CAMTA1: variants seen among roughly 807,000 people sequenced by gnomAD.
CAMTA1 encodes the protein calmodulin-binding transcription activator 1.
A neutral mutation model predicts 170.9 loss-of-function variants in CAMTA1; 27 were observed. That is an observed-to-expected ratio of 0.16 (90% CI 0.12 to 0.22). CAMTA1 has a LOEUF of 0.22. Among genes scored for constraint, CAMTA1 ranks in the 10% least tolerant of loss-of-function variants. The probability of loss-of-function intolerance (pLI) is 1.00; values close to 1 mark genes in which losing one functional copy is unlikely to be tolerated. For missense variants in CAMTA1, 1,619 were observed against 2,217.2 expected (o/e 0.73, Z 5.42); for synonymous variants, 833 against 891.5 (o/e 0.93, Z 1.17).
intron 5 of CAMTA1, among the ~76,000 whole-genome samples, chr1:7,397,277 A>G (rs1442220842): frequency 2.0e-5 from 3 of 152,088 alleles, no homozygotes; most frequent in East Asian, 1.9e-4. Flanking sequence ...TTGTTGCCAT[A>G]TAGTTGTTCA....
chr1:6,914,337 A>G (rs901274161), intron 3 of CAMTA1, among the ~76,000 whole-genome samples: 1 of 152,164 alleles, frequency 6.6e-6, no homozygotes, highest in Non-Finnish European at 1.5e-5. Flanking sequence ...CTCCTACCTC[A>G]GGTGATCTGC....
chr1:7,245,061 A>G (rs1193889541), intron 4 of CAMTA1, among the ~76,000 whole-genome samples: 3 of 151,614 alleles, frequency 2.0e-5, no homozygotes, highest in African/African-American at 7.3e-5. Context: ...AGGTTTTGGG[A>G]ATTTCTTGTT....
intron 4 of CAMTA1, among the ~76,000 whole-genome samples, chr1:7,158,971 TG>T (rs1647049281): frequency 1.1e-5 from 1 of 89,502 alleles, no homozygotes; most frequent in Non-Finnish European, 2.2e-5. Flanking sequence ...TGGGGTGAGG[TG>T]GGGGTGGGGT....
intron 3 of CAMTA1, among the ~76,000 whole-genome samples, chr1:7,085,889 C>T (rs367828891): frequency 3.9e-5 from 6 of 152,178 alleles, no homozygotes; most frequent in East Asian, 3.9e-4. Flanking sequence ...CATGGCAGCA[C>T]GGTGTGTGAC....
intron 3 of CAMTA1, among the ~76,000 whole-genome samples, chr1:6,941,962 A>G (rs2149433065): frequency 6.6e-6 from 1 of 152,368 alleles, no homozygotes; most frequent in East Asian, 1.9e-4. Flanking sequence ...GAGGATGGAC[A>G]ACACTGGCCT....
chr1:7,632,423 A>C (rs59510247), intron 6 of CAMTA1, among the ~76,000 whole-genome samples: 1,969 of 152,334 alleles, frequency 0.013, 45 homozygotes, highest in African/African-American at 0.044. Flanking sequence ...TTTCATGAGA[A>C]CTGGCACGAG....
chr1:6,997,722 T>C (rs1335523250), intron 3 of CAMTA1, among the ~76,000 whole-genome samples: 2 of 145,230 alleles, frequency 1.4e-5, no homozygotes, highest in Middle Eastern at 3.5e-3. Context: ...GTGCAGTGGC[T>C]CGATCTTGGC....
At chr1:7,744,170 C>T (rs1195416112) in intron 16 of CAMTA1, among the ~76,000 whole-genome samples, 1 of 140,242 alleles carries the variant, frequency 7.1e-6, no homozygotes, top group Non-Finnish European at 1.5e-5. Flanking sequence ...CTCGCGCTGT[C>T]GCCCAGGCTG....
intron 5 of CAMTA1, among the ~76,000 whole-genome samples, chr1:7,457,497 A>G (rs2092986424): frequency 6.6e-6 from 1 of 151,864 alleles, no homozygotes; most frequent in East Asian, 1.9e-4. Flanking sequence ...CCTGCCCCTC[A>G]GTGTCCCCGG....
intron 5 of CAMTA1, among the ~76,000 whole-genome samples, chr1:7,403,291 T>G: frequency 6.7e-6 from 1 of 150,096 alleles, no homozygotes; most frequent in African/African-American, 2.5e-5. Context: ...GAGGCGGAGG[T>G]TGAACCAGGA....
intron 12 of CAMTA1, among the ~76,000 whole-genome samples, chr1:7,733,174 C>A (rs762170724): frequency 5.3e-5 from 8 of 151,916 alleles, no homozygotes; most frequent in Non-Finnish European, 8.8e-5. Context: ...TGCACTCTGA[C>A]CTGGTCAACA....
intron 4 of CAMTA1, among the ~76,000 whole-genome samples, chr1:7,109,228 A>T (rs1410664346): frequency 6.6e-6 from 1 of 152,240 alleles, no homozygotes; most frequent in Admixed American, 6.5e-5. Context: ...GCTCCTGTCA[A>T]GGGGAGCTGA....
chr1:7,230,662 C>T (rs1662610950), intron 4 of CAMTA1, among the ~76,000 whole-genome samples: 1 of 152,188 alleles, frequency 6.6e-6, no homozygotes, highest in African/African-American at 2.4e-5. Context: ...ATCCCTCAGG[C>T]TCTTCAGCTC....
intron 3 of CAMTA1, among the ~76,000 whole-genome samples, chr1:7,073,654 G>A (rs1432187266): frequency 6.6e-6 from 1 of 152,200 alleles, no homozygotes; most frequent in African/African-American, 2.4e-5. Flanking sequence ...GTTATCAAAA[G>A]ATGCTGGTAG....
At chr1:6,834,822 A>T (rs1364785094) in intron 3 of CAMTA1, among the ~76,000 whole-genome samples, 3 of 151,962 alleles carry the variant, frequency 2.0e-5, no homozygotes, top group South Asian at 4.1e-4. Context: ...GTTTTTGGAG[A>T]TGGAATCTCG....
In CAMTA1 at chr1:7,301,628, C is replaced by G. The variant is rs957645631; in HGVS notation, c.438+52002C>G. ...CTCGGGGGAGTCTGCTCACCTCTTC[C>G]CCACAGCATGGATAGGACAGAAAAA... On this transcript the variant is annotated intron_variant, in intron 5 of 22. Coordinates refer to ENST00000303635, the MANE Select transcript of CAMTA1 (RefSeq NM_015215.4). 1.2e-4 allele frequency among the ~76,000 whole-genome samples: 18 copies of G among 152,092 alleles called. 1 individual carries two copies. Among genetic ancestry groups the G allele is most frequent in the Non-Finnish European group, 1.5e-5 (1 of 68,024 alleles).
Position 7,113,569 on chromosome 1 carries a change from G to A in CAMTA1, c.302+22198G>A, listed in dbSNP as rs1373776184. Among the ~76,000 whole-genome samples, 3 of 152,302 alleles carry A rather than the reference G, an allele frequency of 2.0e-5. No individual in the cohort carries two copies. The highest frequency in any genetic ancestry group is 4.8e-5 in the African/African-American group (2 of 41,544). Reference sequence around the variant, plus strand: ...CCAGGGCAGTGCCTATTTATTCATGGCATTTCACATCATAAGAGAGTTAAA... The same window carrying A: ...CCAGGGCAGTGCCTATTTATTCATGACATTTCACATCATAAGAGAGTTAAA... On this transcript the variant is annotated intron_variant, in intron 4 of 22. Transcript: ENST00000303635. The surrounding 1 kb of genome is among the most constrained non-coding windows in gnomAD (Gnocchi z 4.5).
rs1189022491 is a variant in CAMTA1, at chr1:7,691,951, G to A, written c.2914+14218G>A. Among the ~76,000 whole-genome samples the A allele has an allele frequency of 6.9e-5, 10 of 144,196 alleles. No homozygotes were observed. In the East Asian group the frequency reaches 2.0e-3, roughly 29 times the overall value. 94.6% of individuals were successfully genotyped at this position (144,196 alleles called of 152,430 possible). A position where few individuals can be genotyped will look rare whatever the true frequency, so the allele number is the denominator to read the frequency against. On this transcript the variant is annotated intron_variant, in intron 11 of 22. Transcript: ENST00000303635. ...CTCGATGAAGGTTTCTTCAAGGGAG[G>A]GAAGGAAGGGAGGGAGGAAGGGAAG...
At chr1:7,614,086 G>A (rs1341189265) in intron 6 of CAMTA1, among the ~76,000 whole-genome samples, 3 of 149,876 alleles carry the variant, frequency 2.0e-5, no homozygotes, top group Non-Finnish European at 4.4e-5. Flanking sequence ...GAGAGGGATG[G>A]TGGTGGGGGC....
Sources: allele counts gnomAD v4.1 joint callset (sites outside exome capture counted in the v4.1 genomes callset), GRCh38; gene constraint gnomAD v4.1.1; non-coding constraint Gnocchi (gnomAD v3.1); transcripts MANE v1.5; gene names NCBI Gene and HGNC (gene_info 2026-07-23, HGNC 2026-07-21).